Variants in TGFBR3 observed in about 807,000 individuals in gnomAD.
TGFBR3 encodes the protein transforming growth factor beta receptor type 3.
A neutral mutation model predicts 87.9 loss-of-function variants in TGFBR3; 46 were observed. That is an observed-to-expected ratio of 0.52 (90% CI 0.41 to 0.67). TGFBR3 has a LOEUF of 0.67. Among genes scored for constraint, TGFBR3 ranks in the 30% least tolerant of loss-of-function variants. TGFBR3 has a pLI of 0.00. For missense variants in TGFBR3, 866 were observed against 1,041.9 expected (o/e 0.83, Z 2.32); for synonymous variants, 381 against 391.6 (o/e 0.97, Z 0.32).
chr1:91,777,783 T>G (rs894572577), intron 3 of TGFBR3, among the ~76,000 whole-genome samples: 3 of 152,208 alleles, frequency 2.0e-5, no homozygotes, highest in African/African-American at 7.2e-5. Flanking sequence ...TCTTTGTCCC[T>G]GGATGCACGG....
At chr1:91,731,931 C>G (rs573168185) in intron 5 of TGFBR3, among the ~76,000 whole-genome samples, 40 of 152,306 alleles carry the variant, frequency 2.6e-4, no homozygotes, top group African/African-American at 9.6e-4. Context: ...AAGCTGACCA[C>G]TTTTGTTGTG....
intron 2 of TGFBR3, among the ~76,000 whole-genome samples, chr1:91,800,174 T>C (rs1675546539): frequency 1.3e-5 from 2 of 149,910 alleles, no homozygotes; most frequent in Admixed American, 6.6e-5. Context: ...GGTGGATCGC[T>C]TGAGCCCAGG....
At chr1:91,739,912 C>T (rs567327396) in intron 4 of TGFBR3, among the ~76,000 whole-genome samples, 33 of 152,200 alleles carry the variant, frequency 2.2e-4, no homozygotes, top group African/African-American at 6.7e-4. Flanking sequence ...TGGGTAGGTG[C>T]TACATACTTT....
At chr1:91,736,779 G>A (rs1310038033) in intron 4 of TGFBR3, among the ~76,000 whole-genome samples, 1 of 152,170 alleles carries the variant, frequency 6.6e-6, no homozygotes, top group African/African-American at 2.4e-5. Flanking sequence ...CAACAGTCCA[G>A]AGGCCTTTGT....
chr1:91,779,653 C>T (rs968179342), intron 3 of TGFBR3, among the ~76,000 whole-genome samples: 1 of 152,178 alleles, frequency 6.6e-6, no homozygotes, highest in Non-Finnish European at 1.5e-5. Flanking sequence ...AGGACTGTGG[C>T]CCTGGCAACT....
At chr1:91,867,673 A>C (rs1177100736) in intron 1 of TGFBR3, among the ~76,000 whole-genome samples, 1 of 152,172 alleles carries the variant, frequency 6.6e-6, no homozygotes, top group Admixed American at 6.5e-5. Flanking sequence ...TTCACATTTA[A>C]GATTTTTGCA....
Position 91,681,137 on chromosome 1 carries a change from G to GAA in TGFBR3, c.*2600_*2601dup, listed in dbSNP as rs1670894327. The GAA allele has an allele frequency of 2.2e-6, 1 of 453,984 alleles. No homozygotes were observed. The highest frequency in any genetic ancestry group is 2.0e-5 in the African/African-American group (1 of 49,996). 28.1% of individuals were successfully genotyped at this position (453,984 alleles called of 1,614,324 possible). On this transcript the variant is annotated 3_prime_UTR_variant, in exon 17 of 17. Transcript: ENST00000212355. ...GCTGAAATACAACAATACTTTTAAA[G>GAA]AAACTTGTAGTACACGTTATAAAAG...
At chr1:91,830,694 C>G (rs533719233) in intron 2 of TGFBR3, among the ~76,000 whole-genome samples, 1 of 152,080 alleles carries the variant, frequency 6.6e-6, no homozygotes, top group Non-Finnish European at 1.5e-5. Flanking sequence ...CAATACCCCA[C>G]CCCTGACAGA....
intron 1 of TGFBR3, among the ~76,000 whole-genome samples, chr1:91,880,723 A>C (rs1365828588): frequency 6.6e-6 from 1 of 152,014 alleles, no homozygotes; most frequent in East Asian, 1.9e-4. Context: ...AGTAGCTAAT[A>C]AATCTGACAG....
In TGFBR3 at chr1:91,708,743, G is replaced by A. The variant is rs767638550; in HGVS notation, c.2207C>T (p.Ser736Leu). 1 of 1,614,016 alleles carries A rather than the reference G, an allele frequency of 6.2e-7. No individual in the cohort carries two copies. The highest frequency in any genetic ancestry group is 1.1e-5 in the South Asian group (1 of 91,072). ...PDEACTSLDA[S>L]IIWAMMQNKK... ...ATTCTGCATCATGGCCCAGATTATCGAGGCGTCCAGCGAGGTGCAGGCTTC... is the reference window on the plus strand; with the variant it reads ...ATTCTGCATCATGGCCCAGATTATCAAGGCGTCCAGCGAGGTGCAGGCTTC... Residue 736 changes from serine to leucine, a missense_variant, in exon 14 of 17, where the codon TCG (serine) becomes TTG (leucine). Ser to Leu is a moderately radical substitution (Grantham distance 145, BLOSUM62 -2). Coordinates refer to ENST00000212355, the MANE Select transcript of TGFBR3 (RefSeq NM_003243.5).
intron 2 of TGFBR3, among the ~76,000 whole-genome samples, chr1:91,807,207 CCTGGGTTTTTCAACAATAAAACCTGG>C (rs1340261909): frequency 6.6e-6 from 1 of 152,224 alleles, no homozygotes; most frequent in Non-Finnish European, 1.5e-5. Flanking sequence ...ACAGCTCCTA[CCTGGGTTTTTCAACAATAAAACCTGG>C]CTTCAGGCTG....
chr1:91,778,909 G>C (rs760423683), intron 3 of TGFBR3, among the ~76,000 whole-genome samples: 2 of 152,194 alleles, frequency 1.3e-5, no homozygotes, highest in African/African-American at 2.4e-5. Flanking sequence ...GGTGGTCAAT[G>C]AAGGCCTCTC....
intron 1 of TGFBR3, among the ~76,000 whole-genome samples, chr1:91,902,564 T>C (rs1425871977): frequency 6.6e-6 from 1 of 152,094 alleles, no homozygotes; most frequent in Non-Finnish European, 1.5e-5. Flanking sequence ...ATTATAGGCA[T>C]GAGCCACCAC....
intron 4 of TGFBR3, among the ~76,000 whole-genome samples, chr1:91,747,358 A>G (rs1284487220): frequency 6.6e-6 from 1 of 152,216 alleles, no homozygotes; most frequent in Non-Finnish European, 1.5e-5. Context: ...AAAAGCAGTG[A>G]GGCAAAGCAG....
chr1:91,756,638 T>G lies in TGFBR3; in HGVS notation c.384+1975A>C, dbSNP rs138394051. Among the ~76,000 whole-genome samples the G allele has an allele frequency of 1.1e-3, 166 of 152,378 alleles. 1 individual carries two copies. The highest frequency in any genetic ancestry group is 3.7e-3 in the African/African-American group (153 of 41,596). On this transcript the variant is annotated intron_variant, in intron 4 of 16. Transcript: ENST00000212355. ...TAAATAATTACTGATTTTTGATTTT[T>G]GGCCTTTTTAATATAGAATAAGAGT...
Position 91,720,200 on chromosome 1 carries a change from G to A in TGFBR3, c.1106C>T (p.Thr369Ile), listed in dbSNP as rs1672317298. The stretch of plus-strand genomic sequence containing the variant: ...CAGGATCCGTAGCTCAGGAGGAATA[G>A]TGTGGACTTCCTCATCTCCCATCTC... ...AEEMGDEEVHTIPPELRILLD... is the reference protein window; with the variant it reads ...AEEMGDEEVHIIPPELRILLD... Residue 369 changes from threonine to isoleucine, a missense_variant, in exon 9 of 17, where the codon ACT (threonine) becomes ATT (isoleucine). Coordinates refer to ENST00000212355, the MANE Select transcript of TGFBR3 (RefSeq NM_003243.5). 2 of 1,608,794 alleles carry A rather than the reference G, an allele frequency of 1.2e-6. No individual in the cohort carries two copies. Among genetic ancestry groups the A allele is most frequent in the Non-Finnish European group, 1.7e-6 (2 of 1,177,348 alleles).
intron 2 of TGFBR3, among the ~76,000 whole-genome samples, chr1:91,838,393 CA>C (rs1213969599): frequency 4.6e-5 from 7 of 151,416 alleles, no homozygotes; most frequent in African/African-American, 1.7e-4. Flanking sequence ...TCATGAAAAA[CA>C]ACTACTTTCT....
At chr1:91,720,282 CCAA>C (rs1234002178) in intron 8 of TGFBR3, 52 bp from the exon 9 acceptor site, 3 of 1,502,318 alleles carry the variant, frequency 2.0e-6, no homozygotes, top group Non-Finnish European at 1.8e-6. Context: ...CAGGCCACAA[CCAA>C]CATCATTACA....
Position 91,680,761 on chromosome 1 carries a change from A to T in TGFBR3, c.*2978T>A. The T allele has an allele frequency of 2.2e-6, 1 of 454,114 alleles. No homozygotes were observed. The highest frequency in any genetic ancestry group is 1.6e-5 in the South Asian group (1 of 64,478). The allele number at this position is 454,114 out of a possible 1,614,324, so 28.1% of individuals were successfully genotyped here. A position where few individuals can be genotyped will look rare whatever the true frequency, so the allele number is the denominator to read the frequency against. On this transcript the variant is annotated 3_prime_UTR_variant, in exon 17 of 17. Transcript: ENST00000212355. ...CATGAGGTAGTTACAGTACAAAAAGACTGGCACGCGTGTGAGCACCCCACA... is the reference window on the plus strand; with the variant it reads ...CATGAGGTAGTTACAGTACAAAAAGTCTGGCACGCGTGTGAGCACCCCACA...
Sources: allele counts gnomAD v4.1 joint callset (sites outside exome capture counted in the v4.1 genomes callset), GRCh38; gene constraint gnomAD v4.1.1; transcripts MANE v1.5; gene names NCBI Gene and HGNC (gene_info 2026-07-23, HGNC 2026-07-21).